The following ZZEF1 variants were observed in gnomAD, a reference collection of about 807,000 sequenced individuals.
ZZEF1 encodes the protein zinc finger ZZ-type and EF-hand domain containing 1.
Under a neutral mutation model 342.8 loss-of-function variants are expected in ZZEF1, and 157 were observed. The observed-to-expected ratio is 0.46, with a 90% CI of 0.40 to 0.52. The LOEUF (loss-of-function observed/expected upper bound fraction) is 0.52. ZZEF1 is among the 20% of genes least tolerant of loss of function. ZZEF1 has a pLI of 0.00. For missense variants in ZZEF1, 3,480 were observed against 3,725.6 expected (o/e 0.93, Z 1.72); for synonymous variants, 1,505 against 1,429.1 (o/e 1.05, Z -1.20).
intron 10 of ZZEF1, 23 bp downstream of exon 10, chr17:4,096,586 A>C: frequency 6.2e-7 from 1 of 1,605,110 alleles, no homozygotes. Context: ...AACATTGCTT[A>C]AAGAAGGTAG....
At chr17:4,085,487 G>A (rs745900919) in intron 16 of ZZEF1, among the ~76,000 whole-genome samples, 183 bp downstream of exon 16, 9 of 152,168 alleles carry the variant, frequency 5.9e-5, no homozygotes, top group Non-Finnish European at 1.0e-4. Context: ...TTGGGAATAC[G>A]TGTCATCCCA....
rs771993076 is a variant in ZZEF1, at chr17:4,088,820, C to T, written c.2099G>A (p.Ser700Asn). The T allele has an allele frequency of 2.8e-5, 45 of 1,614,210 alleles. No individual in the cohort carries two copies. In the African/African-American group the frequency reaches 5.5e-4, roughly 20 times the overall value. ...ERLGVQGLTI[S>N]GYLRPARAEA... is the part of the protein sequence containing the mutation. ...TGCTCTTGCAGGCCGGAGGTACCCA[C>T]TGATGGTCAAGCCTTGCACTCCCAA... Residue 700 changes from serine (S) to asparagine (N), a missense_variant, in exon 13 of 55, where the codon AGT (serine) becomes AAT (asparagine). By Grantham distance (46) the Ser-to-Asn change is conservative. Transcript: ENST00000381638.
chr17:4,134,366 T>TA (rs1467995127), intron 1 of ZZEF1, among the ~76,000 whole-genome samples: 1 of 141,410 alleles, frequency 7.1e-6, no homozygotes, highest in Non-Finnish European at 1.5e-5. Flanking sequence ...ATATATATAT[T>TA]TATATAATAT....
At chr17:4,122,490 C>T (rs1449279047) in intron 2 of ZZEF1, among the ~76,000 whole-genome samples, 5 of 152,144 alleles carry the variant, frequency 3.3e-5, no homozygotes, top group Non-Finnish European at 2.9e-5. Context: ...AGTGATTCTC[C>T]TGCCTTAGCC....
At chr17:4,082,941 A>G (rs891344172) in intron 16 of ZZEF1, among the ~76,000 whole-genome samples, 5 of 151,964 alleles carry the variant, frequency 3.3e-5, no homozygotes, top group Non-Finnish European at 7.4e-5. Context: ...ACGCCTGGCT[A>G]ATTTTTGTAT....
At chr17:4,041,147 A>G (rs755818091) in intron 39 of ZZEF1, among the ~76,000 whole-genome samples, 1 of 152,194 alleles carries the variant, frequency 6.6e-6, no homozygotes, top group Non-Finnish European at 1.5e-5. Flanking sequence ...ATTACCAGCT[A>G]CCTAGACAGG....
Position 4,102,362 on chromosome 17 carries a change from T to G in ZZEF1, c.1627A>C (p.Lys543Gln), listed in dbSNP as rs1157262500. 6.2e-6 allele frequency: 10 copies of G among 1,613,970 alleles called. No homozygotes were observed. The highest frequency in any genetic ancestry group is 8.5e-6 in the Non-Finnish European group (10 of 1,179,850). The change falls in exon 9 of 55, where the codon AAG (lysine) becomes CAG (glutamine). Residue 543 changes from lysine (K) to glutamine (Q), a missense_variant. Physicochemically the swap from Lys to Gln is moderately conservative, Grantham distance 53. This residue lies in a region of ZZEF1 where 1,528 missense variants were observed against 1,624.1 expected (regional missense o/e 0.94). Transcript: ENST00000381638. Reference sequence around the variant, plus strand: ...ACAAGGAGGTTTTCGGGTCCAGACTTATCTTCTTTTCCTTTGACATCACAT... The same window carrying G: ...ACAAGGAGGTTTTCGGGTCCAGACTGATCTTCTTTTCCTTTGACATCACAT... ...QACDVKGKED[K>Q]SGPENLLVEP... is the part of the protein sequence containing the mutation.
At position 4,112,603 on chromosome 17, in the gene ZZEF1, A is replaced by C; in HGVS notation, c.1066+6T>G. The C allele has an allele frequency of 6.2e-7, 1 of 1,613,788 alleles. No individual in the cohort carries two copies. Among genetic ancestry groups the C allele is most frequent in the Non-Finnish European group, 8.5e-7 (1 of 1,179,732 alleles). On this transcript the variant is annotated splice_donor_region_variant and intron_variant, in intron 5 of 54. Transcript: ENST00000381638. ...TTCCCTATCCCCTCAGTTCTGTTGG[A>C]CTTACAGAGCTGACTGACGTTGGCA...
At position 4,111,238 on chromosome 17, in the gene ZZEF1, TACAC is replaced by T. The variant is rs911604047; in HGVS notation, c.1066+1367_1066+1370del. ...CCATACACACACTTACACACACAAA[TACAC>T]ACACACACGGAAAGGTCTGCAAGGA... On this transcript the variant is annotated intron_variant, in intron 5 of 54. Coordinates refer to ENST00000381638, the MANE Select transcript of ZZEF1 (RefSeq NM_015113.4). Among the ~76,000 whole-genome samples, 35 of 151,992 alleles carry T rather than the reference TACAC, an allele frequency of 2.3e-4. 1 individual carries two copies. The South Asian group carries it at 4.6e-3, about 20-fold the overall frequency.
chr17:4,087,314 A>ACCATATATTTAAAT, intron 14 of ZZEF1, 120 bp downstream of exon 14: 1 of 686,406 alleles, frequency 1.5e-6, no homozygotes, highest in Non-Finnish European at 2.4e-6. Flanking sequence ...TATATTTTAA[A>ACCATATATTTAAAT]TCGAACCATA....
Position 4,006,636 on chromosome 17 carries a change from T to C in ZZEF1, c.*254A>G, listed in dbSNP as rs933636740. ...GGAGAAGGCTGGTCTCTGAACCTTC[T>C]TAAGGGCCCCCTGCCCACCCTTTCT... On this transcript the variant is annotated 3_prime_UTR_variant, in exon 55 of 55. Transcript: ENST00000381638. 9 of 528,554 alleles carry C rather than the reference T, an allele frequency of 1.7e-5. No individual in the cohort carries two copies. Among genetic ancestry groups the C allele is most frequent in the Non-Finnish European group, 3.1e-5 (9 of 292,370 alleles). The allele number at this position is 528,554 out of a possible 1,614,324, so 32.7% of individuals were successfully genotyped here. A position where few individuals can be genotyped will look rare whatever the true frequency, so the allele number is the denominator to read the frequency against.
intron 27 of ZZEF1, among the ~76,000 whole-genome samples, chr17:4,066,898 A>G (rs1255610238): frequency 1.3e-5 from 2 of 152,172 alleles, no homozygotes; most frequent in Non-Finnish European, 2.9e-5. Context: ...CCTAGTATCT[A>G]AAGCGATGCT....
chr17:4,083,261 C>A (rs957727156), intron 16 of ZZEF1, among the ~76,000 whole-genome samples: 3 of 152,196 alleles, frequency 2.0e-5, no homozygotes, highest in African/African-American at 4.8e-5. Flanking sequence ...AAACGTCATG[C>A]GTCCTGTTTC....
intron 52 of ZZEF1, among the ~76,000 whole-genome samples, chr17:4,011,553 T>TTG (rs887271578): frequency 2.3e-4 from 35 of 151,576 alleles, no homozygotes; most frequent in Admixed American, 6.6e-4. Flanking sequence ...GGTTTTTTTT[T>TTG]TGTGTGTGTG....
intron 11 of ZZEF1, among the ~76,000 whole-genome samples, chr17:4,092,094 T>A (rs1038791986): frequency 2.1e-5 from 3 of 145,752 alleles, no homozygotes; most frequent in Admixed American, 6.9e-5. Flanking sequence ...AAAAAAATAA[T>A]AAAAATAATA....
chr17:4,064,467 A>C lies in ZZEF1; in HGVS notation c.4612T>G (p.Phe1538Val), dbSNP rs779098104. The change falls in exon 29 of 55, where the codon TTT (phenylalanine) becomes GTT (valine). Residue 1538 changes from phenylalanine to valine, a missense_variant. Around this residue, in one of 5 missense-constraint regions of ZZEF1, gnomAD observed 1,528 missense variants for 1,624.1 expected, o/e 0.94. Transcript: ENST00000381638. ...FTRGRLRLLS[F>V]RSMEEARLVP... ...AGTCTGGCCTCCTCCATGGATCGAA[A>C]GGAGAGCAGCCGGAGTCGCCCTCGG... is the stretch of plus-strand genomic sequence containing the variant. The C allele has an allele frequency of 8.7e-6, 14 of 1,614,164 alleles. No homozygotes were observed. In the South Asian group the frequency reaches 1.5e-4, roughly 18 times the overall value.
chr17:4,106,477 A>G (rs2058214588), intron 6 of ZZEF1, among the ~76,000 whole-genome samples: 1 of 105,622 alleles, frequency 9.5e-6, no homozygotes, highest in Non-Finnish European at 2.4e-5. Context: ...CAGCAGCAAC[A>G]GGGAAAAAAA....
At chr17:4,018,167 C>T (rs2056166393) in intron 46 of ZZEF1, among the ~76,000 whole-genome samples, 196 bp from the exon 47 acceptor site, 1 of 152,150 alleles carries the variant, frequency 6.6e-6, no homozygotes, top group African/African-American at 2.4e-5. Context: ...TGCTCTGTGG[C>T]AGGAGATGCA....
At chr17:4,021,101 TAAGCCAC>T (rs1187848806) in intron 45 of ZZEF1, 21 bp downstream of exon 45, 1 of 1,566,838 alleles carries the variant, frequency 6.4e-7, no homozygotes. Context: ...AAGCCCCTCC[TAAGCCAC>T]AAGATGACTC....
Sources: allele counts gnomAD v4.1 joint callset (sites outside exome capture counted in the v4.1 genomes callset), GRCh38; gene constraint gnomAD v4.1.1; regional missense constraint gnomAD v4.1.1; transcripts MANE v1.5; gene names NCBI Gene and HGNC (gene_info 2026-07-23, HGNC 2026-07-21).